FBXL2: variants seen among roughly 807,000 people sequenced by gnomAD.
The protein encoded by FBXL2 is F-box and leucine rich repeat protein 2.
A neutral mutation model predicts 69.2 loss-of-function variants in FBXL2; 38 were observed. The ratio of observed to expected loss-of-function variants is 0.55; its 90% CI spans 0.42 to 0.72. The LOEUF is 0.72. Among genes scored for constraint, FBXL2 ranks in the 30% least tolerant of loss-of-function variants. FBXL2 has a pLI of 0.00. For missense variants in FBXL2, 354 were observed against 520.3 expected, an observed-to-expected ratio of 0.68 and a Z score of 3.11; for synonymous variants, 192 against 201.3, an observed-to-expected ratio of 0.95 and a Z score of 0.39.
intron 2 of FBXL2, among the ~76,000 whole-genome samples, chr3:33,310,831 G>T (rs951949470): frequency 3.3e-5 from 5 of 152,014 alleles, no homozygotes; most frequent in African/African-American, 9.7e-5. Flanking sequence ...CTGGAGTGCA[G>T]TTGTGCAATC....
At chr3:33,385,254 A>C (rs747693338) in intron 14 of FBXL2, among the ~76,000 whole-genome samples, 1 of 152,150 alleles carries the variant, frequency 6.6e-6, no homozygotes, top group Non-Finnish European at 1.5e-5. Context: ...CTTAGTTTGT[A>C]AACAGGGCTG....
At chr3:33,289,375 G>A (rs929850343) in intron 1 of FBXL2, among the ~76,000 whole-genome samples, 8 of 151,994 alleles carry the variant, frequency 5.3e-5, no homozygotes, top group African/African-American at 1.7e-4. Flanking sequence ...TTCCTGTTAC[G>A]ATGTTGCAAA....
intron 2 of FBXL2, among the ~76,000 whole-genome samples, chr3:33,307,107 A>G (rs751601164): frequency 3.3e-5 from 5 of 152,164 alleles, no homozygotes; most frequent in Non-Finnish European, 7.4e-5. Context: ...ATAAATGTTA[A>G]TTACAAAAGG....
chr3:33,338,559 G>A (rs149768229), intron 2 of FBXL2, among the ~76,000 whole-genome samples: 108 of 152,154 alleles, frequency 7.1e-4, no homozygotes, highest in Non-Finnish European at 1.1e-3. Flanking sequence ...AAACAGCATG[G>A]TACTGATACA....
chr3:33,421,930 G>A, the FBXL2 span, among the ~76,000 whole-genome samples: 1 of 152,148 alleles, frequency 6.6e-6, no homozygotes, highest in Non-Finnish European at 1.5e-5. Flanking sequence ...CATAGTCCTA[G>A]GTACTCCAGA....
intron 2 of FBXL2, among the ~76,000 whole-genome samples, chr3:33,316,109 A>T (rs1575167267): frequency 1.4e-5 from 2 of 147,448 alleles, no homozygotes; most frequent in East Asian, 2.0e-4. Context: ...CCCAGGCTGG[A>T]GTGTAGTGAC....
intron 13 of FBXL2, 174 bp downstream of exon 13, chr3:33,378,915 T>TCATTGC: frequency 7.9e-7 from 1 of 1,268,278 alleles, no homozygotes; most frequent in Non-Finnish European, 1.1e-6. Context: ...ATTACTGCTT[T>TCATTGC]CATTGAATTT....
At chr3:33,408,829 C>A in the FBXL2 span, 1 of 1,566,986 alleles carries the variant, frequency 6.4e-7, no homozygotes, top group Admixed American at 1.7e-5. Context: ...GGATCAATGT[C>A]TTTTCATTAT....
intron 1 of FBXL2, among the ~76,000 whole-genome samples, chr3:33,288,034 A>G (rs1269319695): frequency 5.9e-5 from 9 of 151,914 alleles, no homozygotes; most frequent in African/African-American, 2.2e-4. Context: ...TCTCTACCTC[A>G]CTTTGAATCT....
intron 13 of FBXL2, chr3:33,382,562 A>ATGGG (rs2043134765): frequency 1.3e-5 from 2 of 152,308 alleles, no homozygotes; most frequent in South Asian, 4.1e-4. Context: ...GCTTTATAGA[A>ATGGG]TGGGTACACT....
At chr3:33,304,577 C>G (rs887829356) in intron 2 of FBXL2, among the ~76,000 whole-genome samples, 2 of 151,946 alleles carry the variant, frequency 1.3e-5, no homozygotes, top group Non-Finnish European at 2.9e-5. Flanking sequence ...TTGGTTGTTT[C>G]CAGTGTTTTA....
chr3:33,403,151 A>G (rs1349339152), intron 12 of FBXL2: 1 of 411,416 alleles, frequency 2.4e-6, no homozygotes, highest in Admixed American at 4.2e-5. Context: ...GCAAAAATTT[A>G]TAAAGGCATT....
chr3:33,397,067 G>A (rs753109905), intron 12 of FBXL2: 8 of 1,601,818 alleles, frequency 5.0e-6, no homozygotes, highest in Non-Finnish European at 6.8e-6. Flanking sequence ...GAATTATAGA[G>A]CCGAATTCCA....
chr3:33,353,238 A>G (rs1410229896), intron 2 of FBXL2, among the ~76,000 whole-genome samples: 1 of 152,216 alleles, frequency 6.6e-6, no homozygotes, highest in African/African-American at 2.4e-5. Flanking sequence ...TGCAAAGCTA[A>G]CCATAAATGT....
chr3:33,412,371 A>G, the FBXL2 span, among the ~76,000 whole-genome samples: 2 of 152,008 alleles, frequency 1.3e-5, no homozygotes, highest in African/African-American at 4.8e-5. Flanking sequence ...ATATACATAC[A>G]TACATATATA....
intron 2 of FBXL2, among the ~76,000 whole-genome samples, chr3:33,318,766 A>T (rs2037936364): frequency 6.6e-6 from 1 of 151,940 alleles, no homozygotes; most frequent in Admixed American, 6.6e-5. Context: ...TTGCTCAACT[A>T]ATAGAATTCG....
intron 2 of FBXL2, among the ~76,000 whole-genome samples, chr3:33,310,182 C>T (rs989472176): frequency 1.4e-4 from 21 of 152,104 alleles, no homozygotes; most frequent in Non-Finnish European, 2.2e-4. Flanking sequence ...GATGGAGTCT[C>T]GCTCTGTTGC....
At chr3:33,414,772 G>A in the FBXL2 span, among the ~76,000 whole-genome samples, 1 of 152,056 alleles carries the variant, frequency 6.6e-6, no homozygotes, top group African/African-American at 2.4e-5. Flanking sequence ...TCACACAGCT[G>A]GCTTATCAAA....
At chr3:33,367,506 T>G (rs1232176234) in intron 5 of FBXL2, among the ~76,000 whole-genome samples, 1 of 152,224 alleles carries the variant, frequency 6.6e-6, no homozygotes, top group Non-Finnish European at 1.5e-5. Context: ...CATTAAGTTG[T>G]TTATAATATC....
Sources: allele counts gnomAD v4.1 joint callset (sites outside exome capture counted in the v4.1 genomes callset), GRCh38; gene constraint gnomAD v4.1.1; transcripts MANE v1.5; gene names NCBI Gene and HGNC (gene_info 2026-07-23, HGNC 2026-07-21).